LYSMD2: variants seen among roughly 807,000 people sequenced by gnomAD.
LYSMD2 encodes the protein lysM and putative peptidoglycan-binding domain-containing protein 2.
A neutral mutation model predicts 17.7 loss-of-function variants in LYSMD2; 6 were observed. The ratio of observed to expected loss-of-function variants is 0.34; its 90% CI spans 0.19 to 0.67. The LOEUF (loss-of-function observed/expected upper bound fraction) is 0.67. Ranked by LOEUF, LYSMD2 falls within the 30% of genes least tolerant of loss-of-function variation. The pLI is 0.69. For missense variants in LYSMD2, 237 were observed against 286.7 expected, an observed-to-expected ratio of 0.83 and a Z score of 1.25; for synonymous variants, 102 against 129.8, an observed-to-expected ratio of 0.79 and a Z score of 1.45.
intron 1 of LYSMD2, among the ~76,000 whole-genome samples, chr15:51,731,598 C>T (rs577417183): frequency 3.2e-4 from 49 of 152,236 alleles, no homozygotes; most frequent in Non-Finnish European, 4.7e-4. Context: ...GAGGGTACTG[C>T]GGGGTGAGGT....
chr15:51,730,207 G>A (rs1031147782), intron 1 of LYSMD2, among the ~76,000 whole-genome samples: 3 of 152,148 alleles, frequency 2.0e-5, no homozygotes, highest in Non-Finnish European at 2.9e-5. Flanking sequence ...TAAAAACAAC[G>A]TACTGAAAAT....
chr15:51,736,963 T>C (rs984708606), intron 1 of LYSMD2, among the ~76,000 whole-genome samples: 4 of 152,194 alleles, frequency 2.6e-5, no homozygotes, highest in Non-Finnish European at 5.9e-5. Context: ...TGCGTAAATA[T>C]AGAGTAGTGT....
chr15:51,751,086 G>T (rs1298223127), intron 1 of LYSMD2, among the ~76,000 whole-genome samples: 2 of 152,196 alleles, frequency 1.3e-5, no homozygotes, highest in Admixed American at 6.5e-5. Context: ...AGGCTAAGTT[G>T]TCCGGTCTCA....
At chr15:51,750,404 C>T (rs968960075) in intron 1 of LYSMD2, among the ~76,000 whole-genome samples, 67 of 152,336 alleles carry the variant, frequency 4.4e-4, no homozygotes, top group African/African-American at 1.6e-3. Context: ...AGCTGTTTCA[C>T]CTCTTTTCAC....
intron 1 of LYSMD2, among the ~76,000 whole-genome samples, chr15:51,749,351 A>G (rs1199808854): frequency 6.6e-6 from 1 of 152,230 alleles, no homozygotes; most frequent in Admixed American, 6.5e-5. Flanking sequence ...CTCATCATAC[A>G]GACAGAGACT....
At position 51,733,450 on chromosome 15, in the gene LYSMD2, T is replaced by C. The variant is rs544397841; in HGVS notation, c.273+3900A>G. 6.6e-5 allele frequency among the ~76,000 whole-genome samples: 10 copies of C among 152,094 alleles called. No individual in the cohort carries two copies. In the South Asian group the frequency reaches 2.1e-3, roughly 32 times the overall value. On this transcript the variant is annotated intron_variant, in intron 1 of 2. Coordinates refer to ENST00000267838, the MANE Select transcript of LYSMD2 (RefSeq NM_153374.3). ...TCTGAGGGAAAGAAAAAAAATTGGATGAATGATAAATACTGTTAGGAAAAC... is the reference window on the plus strand; with the variant it reads ...TCTGAGGGAAAGAAAAAAAATTGGACGAATGATAAATACTGTTAGGAAAAC...
chr15:51,726,885 G>T (rs566699229), intron 1 of LYSMD2, among the ~76,000 whole-genome samples: 2 of 152,282 alleles, frequency 1.3e-5, no homozygotes, highest in African/African-American at 4.8e-5. Flanking sequence ...TTGCTTCCTG[G>T]GAATAATGAT....
intron 1 of LYSMD2, among the ~76,000 whole-genome samples, chr15:51,745,892 A>G (rs1217323562): frequency 1.3e-5 from 2 of 152,260 alleles, no homozygotes; most frequent in East Asian, 1.9e-4. Context: ...AATCATTAAA[A>G]TCACAATGAG....
chr15:51,750,466 C>G (rs1457134835), intron 1 of LYSMD2, among the ~76,000 whole-genome samples: 2 of 152,206 alleles, frequency 1.3e-5, no homozygotes, highest in Non-Finnish European at 2.9e-5. Flanking sequence ...TGCATCCATC[C>G]CTTTGGTTCA....
chr15:51,741,380 A>G (rs555747549), upstream of LYSMD2, among the ~76,000 whole-genome samples: 2 of 152,370 alleles, frequency 1.3e-5, no homozygotes, highest in South Asian at 4.1e-4. Flanking sequence ...TAAAGACATA[A>G]TTGGGAAAAG....
upstream of LYSMD2, among the ~76,000 whole-genome samples, chr15:51,738,942 A>C (rs1771543248): frequency 6.6e-6 from 1 of 152,172 alleles, no homozygotes; most frequent in African/African-American, 2.4e-5. Context: ...TACTCTACAT[A>C]TTCCTGCCAA....
At chr15:51,745,623 G>C (rs7166954) in intron 1 of LYSMD2, among the ~76,000 whole-genome samples, 3 of 151,300 alleles carry the variant, frequency 2.0e-5, no homozygotes, top group East Asian at 1.9e-4. Flanking sequence ...ATGTTTACCA[G>C]TGAACACCAT....
chr15:51,750,208 T>C (rs995869404), intron 1 of LYSMD2, among the ~76,000 whole-genome samples: 3 of 152,198 alleles, frequency 2.0e-5, no homozygotes, highest in Admixed American at 6.5e-5. Context: ...TTAACTATCA[T>C]TGGGGAAAAA....
At chr15:51,735,150 G>T (rs1339367542) in intron 1 of LYSMD2, among the ~76,000 whole-genome samples, 1 of 151,688 alleles carries the variant, frequency 6.6e-6, no homozygotes, top group Non-Finnish European at 1.5e-5. Context: ...CTCCAGCCTG[G>T]GTAACAGAGT....
chr15:51,738,430 A>G (rs900829616), upstream of LYSMD2, among the ~76,000 whole-genome samples: 6 of 152,098 alleles, frequency 3.9e-5, no homozygotes, highest in African/African-American at 1.4e-4. Flanking sequence ...TACTGTCTGC[A>G]TTCATCTTCT....
intron 1 of LYSMD2, among the ~76,000 whole-genome samples, chr15:51,734,026 T>C (rs1162507351): frequency 6.6e-6 from 1 of 151,962 alleles, no homozygotes; most frequent in East Asian, 1.9e-4. Context: ...CTACTAAAAA[T>C]ACAAAAATTA....
chr15:51,738,236 A>T (rs1299510780), upstream of LYSMD2: 1 of 150,910 alleles, frequency 6.6e-6, no homozygotes, highest in Non-Finnish European at 1.5e-5. Flanking sequence ...CAACAGCCTC[A>T]GAGTCCAGTC....
At chr15:51,751,353 C>T (rs1473024949) in exon 1 of LYSMD2, 1 of 702,506 alleles carries the variant, frequency 1.4e-6, no homozygotes, top group Admixed American at 2.0e-5. Flanking sequence ...CCTTTGCCAT[C>T]CACGCTCTCC....
rs528239047 is a variant in LYSMD2, at chr15:51,731,015, A to C, written c.274-5894T>G. Among the ~76,000 whole-genome samples the C allele has an allele frequency of 4.6e-5, 7 of 152,322 alleles. No homozygotes were observed. In the South Asian group the frequency reaches 1.5e-3, roughly 32 times the overall value. The stretch of plus-strand genomic sequence containing the variant: ...AGTACATGAGATTCTATTTATGGCA[A>C]ATGTCCAAAAAAGGCAAATCTATAG... On this transcript the variant is annotated intron_variant, in intron 1 of 2. Coordinates refer to ENST00000267838, the MANE Select transcript of LYSMD2 (RefSeq NM_153374.3).
Sources: allele counts gnomAD v4.1 joint callset (sites outside exome capture counted in the v4.1 genomes callset), GRCh38; gene constraint gnomAD v4.1.1; transcripts MANE v1.5; gene names NCBI Gene and HGNC (gene_info 2026-07-23, HGNC 2026-07-21).